DLG2: variants seen among roughly 807,000 people sequenced by gnomAD.
DLG2 encodes discs large MAGUK scaffold protein 2.
A neutral mutation model predicts 132.5 loss-of-function variants in DLG2; 45 were observed. The ratio of observed to expected loss-of-function variants is 0.34; its 90% CI spans 0.27 to 0.44. The LOEUF is 0.44. Among genes scored for constraint, DLG2 ranks in the 20% least tolerant of loss-of-function variants. DLG2 has a pLI of 1.00. For missense variants in DLG2, 1,045 were observed against 1,196.9 expected (o/e 0.87, Z 1.87); for synonymous variants, 424 against 419.6 (o/e 1.01, Z -0.13).
At chr11:85,158,490 C>A (rs186664190) in intron 4 of DLG2, among the ~76,000 whole-genome samples, 1 of 152,192 alleles carries the variant, frequency 6.6e-6, no homozygotes, top group East Asian at 1.9e-4. Context: ...CTCATCCCAG[C>A]TGGGAGGTCC....
intron 6 of DLG2, among the ~76,000 whole-genome samples, chr11:84,987,993 G>T (rs964842585): frequency 3.9e-5 from 6 of 152,128 alleles, no homozygotes; most frequent in African/African-American, 1.4e-4. Flanking sequence ...CTCACAGAGT[G>T]GCAGAAAAAT....
chr11:83,854,264 A>T (rs1342180712), intron 16 of DLG2, among the ~76,000 whole-genome samples: 1 of 152,156 alleles, frequency 6.6e-6, no homozygotes, highest in Non-Finnish European at 1.5e-5. Flanking sequence ...ATGTAAATGG[A>T]GACCTAGAAA....
intron 7 of DLG2, among the ~76,000 whole-genome samples, chr11:84,496,039 C>G (rs374099518): frequency 2.0e-5 from 3 of 152,052 alleles, no homozygotes; most frequent in African/African-American, 7.2e-5. Flanking sequence ...TTCTTGAGTA[C>G]CACCAGGCAT....
intron 18 of DLG2, among the ~76,000 whole-genome samples, chr11:83,666,078 T>G (rs2075473262): frequency 6.6e-6 from 1 of 152,194 alleles, no homozygotes; most frequent in South Asian, 2.1e-4. Context: ...CCCCTTCCAT[T>G]TGCTAGATAT....
intron 6 of DLG2, among the ~76,000 whole-genome samples, chr11:84,730,385 T>C (rs1045989204): frequency 6.6e-6 from 1 of 152,092 alleles, no homozygotes; most frequent in Non-Finnish European, 1.5e-5. Flanking sequence ...AATAAATGCT[T>C]AATAATATCC....
At chr11:83,758,398 A>T (rs1236593561) in intron 18 of DLG2, among the ~76,000 whole-genome samples, 2 of 152,146 alleles carry the variant, frequency 1.3e-5, no homozygotes, top group African/African-American at 4.8e-5. Context: ...TTAGCTTACC[A>T]GCCATGTTCC....
intron 14 of DLG2, among the ~76,000 whole-genome samples, chr11:83,958,583 A>G (rs1006894285): frequency 5.3e-5 from 8 of 152,134 alleles, no homozygotes; most frequent in Admixed American, 5.2e-4. Flanking sequence ...CTACATCTTG[A>G]AAGAGTAGTT....
chr11:84,776,303 G>A (rs1463581358), intron 6 of DLG2, among the ~76,000 whole-genome samples: 1 of 151,922 alleles, frequency 6.6e-6, no homozygotes, highest in East Asian at 1.9e-4. Context: ...AGGCACACAC[G>A]ACCATGCCTG....
chr11:85,144,618 C>T (rs1368245687), intron 5 of DLG2, among the ~76,000 whole-genome samples: 1 of 151,586 alleles, frequency 6.6e-6, no homozygotes, highest in South Asian at 2.1e-4. Context: ...TACCATGAAG[C>T]TTGCAAATAA....
chr11:84,983,788 A>G, intron 6 of DLG2, among the ~76,000 whole-genome samples: 1 of 152,202 alleles, frequency 6.6e-6, no homozygotes, highest in East Asian at 1.9e-4. Flanking sequence ...TGAAATAGAC[A>G]GCATAAAGAA....
chr11:83,526,053 A>T (rs1486158037), intron 21 of DLG2, among the ~76,000 whole-genome samples: 1 of 152,174 alleles, frequency 6.6e-6, no homozygotes, highest in African/African-American at 2.4e-5. Context: ...TAGAAATGAG[A>T]TTTCTCAATG....
chr11:84,610,671 C>T (rs550089091), intron 6 of DLG2, among the ~76,000 whole-genome samples: 1 of 152,092 alleles, frequency 6.6e-6, no homozygotes, highest in Non-Finnish European at 1.5e-5. Context: ...TCCTTGCCCT[C>T]CTCACTTTTC....
chr11:84,462,636 G>C (rs1323861851), intron 7 of DLG2, among the ~76,000 whole-genome samples: 1 of 151,108 alleles, frequency 6.6e-6, no homozygotes. Flanking sequence ...AGGGATGCCA[G>C]TTTAGTTCCA....
At chr11:85,082,731 C>CTT in intron 6 of DLG2, among the ~76,000 whole-genome samples, 1 of 121,216 alleles carries the variant, frequency 8.2e-6, no homozygotes, top group African/African-American at 2.8e-5. Flanking sequence ...TTTTTCTTTT[C>CTT]TTTCTTTTTT....
intron 6 of DLG2, among the ~76,000 whole-genome samples, chr11:84,600,401 T>C (rs1252000365): frequency 6.6e-6 from 1 of 152,062 alleles, no homozygotes; most frequent in Non-Finnish European, 1.5e-5. Flanking sequence ...TATTAACTTG[T>C]ATTGGTAGTT....
intron 7 of DLG2, among the ~76,000 whole-genome samples, chr11:84,507,055 TA>T (rs2099243407): frequency 6.6e-6 from 1 of 152,192 alleles, no homozygotes; most frequent in African/African-American, 2.4e-5. Context: ...AATTTGCCAA[TA>T]AAATTTTCTT....
intron 7 of DLG2, among the ~76,000 whole-genome samples, chr11:84,521,739 G>C (rs1385253971): frequency 1.3e-5 from 2 of 152,182 alleles, no homozygotes; most frequent in Non-Finnish European, 2.9e-5. Flanking sequence ...GTTTATAAGA[G>C]AAGTAAAACC....
At chr11:83,758,648 G>A (rs375797397) in intron 18 of DLG2, among the ~76,000 whole-genome samples, 10 of 152,032 alleles carry the variant, frequency 6.6e-5, no homozygotes, top group African/African-American at 1.9e-4. Flanking sequence ...TATCTCATAG[G>A]CATGCTTTGA....
rs762462278 is a variant in DLG2, at chr11:84,302,956, G to GACAC, written c.520-51669_520-51666dup. On this transcript the variant is annotated intron_variant, in intron 7 of 27. Coordinates refer to ENST00000376104, the MANE Select transcript of DLG2 (RefSeq NM_001142699.3). Reference sequence around the variant, plus strand: ...ACAAAAAAAAATACACACACAGACAGACACACACACACACACTAGCCTGCC... The same window carrying GACAC: ...ACAAAAAAAAATACACACACAGACAGACACACACACACACACACACTAGCCTGCC... 4.1e-4 allele frequency among the ~76,000 whole-genome samples: 62 copies of GACAC among 150,434 alleles called. 1 individual carries two copies. In the South Asian group the frequency reaches 0.012, roughly 30 times the overall value.
Sources: gnomAD v4.1 joint callset for allele counts (sites outside exome capture counted in the v4.1 genomes callset) on GRCh38, gnomAD v4.1.1 for gene constraint, MANE v1.5 for transcripts, NCBI Gene and HGNC (gene_info 2026-07-23, HGNC 2026-07-21) for gene names.